The following C12orf71 variants were observed in gnomAD, a reference collection of about 807,000 sequenced individuals.
C12orf71 encodes chromosome 12 open reading frame 71.
In C12orf71, 10 loss-of-function variants were observed where a neutral mutation model predicts 11.7. That is an observed-to-expected ratio of 0.86 (90% confidence interval 0.53 to 1.45). C12orf71 has a LOEUF of 1.45. C12orf71 is among the 40% of genes most tolerant of loss of function. C12orf71 has a pLI of 0.00. For missense variants in C12orf71, 293 were observed against 325.8 expected (o/e 0.90, Z 0.78); for synonymous variants, 110 against 123.4 (o/e 0.89, Z 0.72).
At chr12:27,082,646 G>T (rs1403173753), upstream of C12orf71, 20 of 522,482 alleles carry the variant, frequency 3.8e-5, no homozygotes, top group Non-Finnish European at 5.1e-5. Context: ...GTCTCACTCT[G>T]TCTCCCAGGC....
Position 27,081,290 on chromosome 12 carries a change from C to T in C12orf71, c.694G>A (p.Asp232Asn), listed in dbSNP as rs1259152976. 1.2e-6 allele frequency: 2 copies of T among 1,613,936 alleles called. No individual in the cohort carries two copies. Among genetic ancestry groups the T allele is most frequent in the South Asian group, 2.2e-5 (2 of 91,074 alleles). ...CTTTTGGTGGCATTCACAGGGTGAT[C>T]CCTCCTCAGCAGAGAGGGGAGGATA... is the stretch of plus-strand genomic sequence containing the variant. Reference protein sequence around the residue: ...QRILPSLLRRDHPVNATKSPH... With the variant: ...QRILPSLLRRNHPVNATKSPH... Residue 232 changes from aspartate to asparagine, a missense_variant, in exon 2 of 2, where the codon GAT becomes AAT. Asp to Asn is a conservative substitution (Grantham distance 23). Transcript: ENST00000429849.
chr12:27,081,339 C>T lies in C12orf71; in HGVS notation c.645G>A (p.Trp215Ter). ...TQAQCCLNFG[W>*]AFSWLRQRIL... ...TACGCTGCCTCAGCCAGCTGAAGGC[C>T]CACCCAAAGTTCAGGCAGCACTGGG... The change falls in exon 2 of 2, where the codon TGG becomes TGA. Residue 215 changes from tryptophan (W) to a stop codon, truncating the protein, a stop_gained. Transcript: ENST00000429849. LOFTEE classifies it low-confidence loss of function (END_TRUNC). The T allele has an allele frequency of 6.2e-7, 1 of 1,613,920 alleles. No individual in the cohort carries two copies. Among genetic ancestry groups the T allele is most frequent in the Non-Finnish European group, 8.5e-7 (1 of 1,179,854 alleles).
At position 27,081,971 on chromosome 12, in the gene C12orf71, A is replaced by T; in HGVS notation, c.513T>A (p.Val171=). 2.5e-6 allele frequency: 4 copies of T among 1,578,328 alleles called. No individual in the cohort carries two copies. Among genetic ancestry groups the T allele is most frequent in the Non-Finnish European group, 2.6e-6 (3 of 1,160,264 alleles). Residue 171 remains valine (V), a synonymous_variant, in exon 1 of 2, where the codon GTT becomes GTA. Coordinates refer to ENST00000429849, the MANE Select transcript of C12orf71 (RefSeq NM_001080406.2). ...QLSSGSPPEM[V]QMISQATASQ... ...CATCATATTCCTGATGACTGACCTGAACCATTTCCGGAGGGGAGCCGCTGG... is the reference window on the plus strand; with the variant it reads ...CATCATATTCCTGATGACTGACCTGTACCATTTCCGGAGGGGAGCCGCTGG...
Position 27,081,141 on chromosome 12 carries a change from A to G in C12orf71, c.*33T>C, listed in dbSNP as rs776955026. ...ATTAATGGAATCCTTATTATGGATT[A>G]TTTTAAACTTTCCAAAAAGTTTAAA... is the stretch of plus-strand genomic sequence containing the variant. On this transcript the variant is annotated 3_prime_UTR_variant, in exon 2 of 2. Transcript: ENST00000429849. 15 of 1,509,542 alleles carry G rather than the reference A, an allele frequency of 9.9e-6. No individual in the cohort carries two copies. The Admixed American group carries it at 1.4e-4, about 14-fold the overall frequency. The allele number at this position is 1,509,542 out of a possible 1,614,324, so 93.5% of individuals were successfully genotyped here.
chr12:27,082,726 C>T (rs1384155640), upstream of C12orf71, among the ~76,000 whole-genome samples: 17 of 151,358 alleles, frequency 1.1e-4, no homozygotes, highest in African/African-American at 2.2e-4. Flanking sequence ...TACAAGCACA[C>T]GCCACCACAC....
Position 27,082,138 on chromosome 12 carries a change from T to C in C12orf71, c.346A>G (p.Ile116Val), listed in dbSNP as rs780971670. Residue 116 changes from isoleucine (I) to valine (V), a missense_variant, in exon 1 of 2, where the codon ATA becomes GTA. Coordinates refer to ENST00000429849, the MANE Select transcript of C12orf71 (RefSeq NM_001080406.2). ...GTTCTCTCTTTTGGTAACTTGTCTA[T>C]CCACAGGTTGTCTCCATTTAGAAGC... ...NRLLNGDNLW[I>V]DKLPKERTKL... The C allele has an allele frequency of 1.9e-6, 3 of 1,613,572 alleles. No individual in the cohort carries two copies. The African/African-American group carries it at 4.0e-5, about 22-fold the overall frequency.
rs1420290955 is a variant in C12orf71, at chr12:27,081,735, T to C, written c.516+233A>G. 11 of 707,098 alleles carry C rather than the reference T, an allele frequency of 1.6e-5. No homozygotes were observed. The East Asian group carries it at 3.0e-4, about 19-fold the overall frequency. 43.8% of individuals were successfully genotyped at this position (707,098 alleles called of 1,614,324 possible). A position where few individuals can be genotyped will look rare whatever the true frequency, so the allele number is the denominator to read the frequency against. On this transcript the variant is annotated intron_variant, in intron 1 of 1. Transcript: ENST00000429849. ...CACCCTGACTCCTTTCCTTGTTGTC[T>C]CCCACTGGTATCACGTCAGTCCCCC...
At chr12:27,081,574 G>A in intron 1 of C12orf71, 107 bp from the exon 2 acceptor site, 1 of 1,079,956 alleles carries the variant, frequency 9.3e-7, no homozygotes, top group Non-Finnish European at 1.3e-6. Flanking sequence ...AATAGCCCAA[G>A]TGTCAATGCA....
intron 1 of C12orf71, chr12:27,081,703 A>C (rs1374994680): frequency 7.4e-6 from 5 of 676,844 alleles, no homozygotes; most frequent in Non-Finnish European, 1.3e-5. Flanking sequence ...TCTTTTCCCT[A>C]CAGCTTCACC....
Position 27,081,075 on chromosome 12 carries a change from T to A in C12orf71, c.*99A>T. ...AGGAAGATGTGGGGTAACAAGAGCA[T>A]TTATTTTGTTTATTGAGGAAAAAAC... On this transcript the variant is annotated 3_prime_UTR_variant, in exon 2 of 2. Transcript: ENST00000429849. The A allele has an allele frequency of 1.1e-6, 1 of 876,632 alleles. No homozygotes were observed. Among genetic ancestry groups the A allele is most frequent in the Non-Finnish European group, 1.7e-6 (1 of 571,720 alleles). 54.3% of individuals were successfully genotyped at this position (876,632 alleles called of 1,614,324 possible).
chr12:27,083,572 C>A (rs1941954393), upstream of C12orf71, among the ~76,000 whole-genome samples: 2 of 152,006 alleles, frequency 1.3e-5, no homozygotes, highest in Non-Finnish European at 2.9e-5. Flanking sequence ...ACAATATGTC[C>A]ACATACACAT....
chr12:27,081,476 A>G lies in C12orf71; in HGVS notation c.517-9T>C. On this transcript the variant is annotated splice_polypyrimidine_tract_variant and intron_variant, in intron 1 of 1. Coordinates refer to ENST00000429849, the MANE Select transcript of C12orf71 (RefSeq NM_001080406.2). ...GTTGCCTGGCTTATCATCTGCCATG[A>G]AAATGAAGGATGTGTTAGGTAGGAA... is the stretch of plus-strand genomic sequence containing the variant. The G allele has an allele frequency of 6.2e-7, 1 of 1,602,464 alleles. No homozygotes were observed. Among genetic ancestry groups the G allele is most frequent in the Non-Finnish European group, 8.5e-7 (1 of 1,171,952 alleles).
chr12:27,082,615 T>A, upstream of C12orf71: 2 of 252,392 alleles, frequency 7.9e-6, no homozygotes, highest in East Asian at 1.1e-4. Context: ...CTCTTTTTTC[T>A]TTTTTTTTTT....
Position 27,082,240 on chromosome 12 carries a change from GC to G in C12orf71, c.243del (p.Glu81AspfsTer6), listed in dbSNP as rs761390291. ...KRQDQIQDEP[E>X]QFCKLSIFLA... ...AGGAAGATGCTTAGTTTGCAAAACTGCTCTGGTTCATCCTGAATTTGGTCTT... is the reference window on the plus strand; with the variant it reads ...AGGAAGATGCTTAGTTTGCAAAACTGTCTGGTTCATCCTGAATTTGGTCTT... On this transcript the variant is annotated frameshift_variant, in exon 1 of 2. Coordinates refer to ENST00000429849, the MANE Select transcript of C12orf71 (RefSeq NM_001080406.2). LOFTEE classifies it high-confidence loss of function. 6 of 1,613,286 alleles carry G rather than the reference GC, an allele frequency of 3.7e-6. No homozygotes were observed. The highest frequency in any genetic ancestry group is 1.1e-5 in the South Asian group (1 of 91,020).
chr12:27,082,930 AGTTTTTGTTT>A (rs201961780), upstream of C12orf71, among the ~76,000 whole-genome samples: 2,951 of 150,794 alleles, frequency 0.02, 92 homozygotes, highest in African/African-American at 0.068. Flanking sequence ...ATTATCCAAT[AGTTTTTGTTT>A]GTTTTTGTTT....
intron 1 of C12orf71, 122 bp downstream of exon 1, chr12:27,081,846 T>C (rs1941935933): frequency 1.9e-6 from 2 of 1,053,116 alleles, no homozygotes; most frequent in Non-Finnish European, 2.9e-6. Flanking sequence ...ATCTCTGCTC[T>C]CCTCAGCCAG....
In C12orf71 at chr12:27,082,103, A is replaced by G; in HGVS notation, c.381T>C (p.Ser127=). Residue 127 remains serine, a synonymous_variant, in exon 1 of 2, where the codon TCT becomes TCC. Transcript: ENST00000429849. ...GCACAAGATTATTCAGTTTGCCAAC[A>G]GACAGTTTTGTTCTCTCTTTTGGTA... ...DKLPKERTKL[S]VGKLNNLVQE... 1 of 1,612,610 alleles carries G rather than the reference A, an allele frequency of 6.2e-7. No individual in the cohort carries two copies. The highest frequency in any genetic ancestry group is 2.2e-5 in the East Asian group (1 of 44,876).
At position 27,081,995 on chromosome 12, in the gene C12orf71, G is replaced by A. The variant is rs746851563; in HGVS notation, c.489C>T (p.Ser163=). 3.8e-6 allele frequency: 6 copies of A among 1,585,286 alleles called. No homozygotes were observed. In the African/African-American group the frequency reaches 6.7e-5, roughly 18 times the overall value. The change falls in exon 1 of 2, where the codon TCC becomes TCT. Residue 163 remains serine, a synonymous_variant. Transcript: ENST00000429849. ...GAACCATTTCCGGAGGGGAGCCGCT[G>A]GATAGCTGGAAATCTTGCTGAGCAG... ...PETAQQDFQL[S]SGSPPEMVQM...
chr12:27,083,942 G>A (rs1205850799), upstream of C12orf71, among the ~76,000 whole-genome samples: 4 of 152,166 alleles, frequency 2.6e-5, no homozygotes, highest in Non-Finnish European at 4.4e-5. Flanking sequence ...GAATGTGCAC[G>A]TGCATGCACG....
Sources: gnomAD v4.1 joint callset for allele counts (sites outside exome capture counted in the v4.1 genomes callset) on GRCh38, gnomAD v4.1.1 for gene constraint, MANE v1.5 for transcripts, NCBI Gene and HGNC (gene_info 2026-07-23, HGNC 2026-07-21) for gene names.